Variants in ARHGEF28 observed in about 807,000 individuals in gnomAD.
ARHGEF28 encodes the protein Rho guanine nucleotide exchange factor 28.
A neutral mutation model predicts 206.6 loss-of-function variants in ARHGEF28; 152 were observed. The ratio of observed to expected loss-of-function variants is 0.74; its 90% CI spans 0.64 to 0.84. ARHGEF28 has a LOEUF of 0.84. ARHGEF28 is among the 40% of genes least tolerant of loss of function. The probability of loss-of-function intolerance (pLI) is 0.00; values close to 1 mark genes in which losing one functional copy is unlikely to be tolerated. For missense variants in ARHGEF28, 2,028 were observed against 2,073.2 expected (o/e 0.98, Z 0.42); for synonymous variants, 763 against 776.4 (o/e 0.98, Z 0.29).
At chr5:73,844,737 T>C (rs1758202517) in intron 11 of ARHGEF28, among the ~76,000 whole-genome samples, 1 of 144,754 alleles carries the variant, frequency 6.9e-6, no homozygotes, top group South Asian at 2.2e-4. Flanking sequence ...TGTTTTGTTA[T>C]TAAAATTATA....
At chr5:73,696,387 C>T (rs1345345388) in intron 2 of ARHGEF28, among the ~76,000 whole-genome samples, 3 of 152,142 alleles carry the variant, frequency 2.0e-5, no homozygotes, top group Admixed American at 6.5e-5. Flanking sequence ...TTTGTATGTG[C>T]GGTTGTCTTC....
chr5:73,886,896 C>T (rs1422255511), intron 25 of ARHGEF28, among the ~76,000 whole-genome samples: 1 of 152,234 alleles, frequency 6.6e-6, no homozygotes, highest in African/African-American at 2.4e-5. Context: ...ATCTTAATAA[C>T]ATCCATAGGT....
rs192782469 is a variant in ARHGEF28, at chr5:73,776,101, G to A, written c.660-415G>A. 8.9e-4 allele frequency among the ~76,000 whole-genome samples: 135 copies of A among 152,312 alleles called. 2 individuals are homozygous for A. Among genetic ancestry groups the A allele is most frequent in the African/African-American group, 3.1e-3 (127 of 41,562 alleles). ...TCCAAACCTCACCATGTTCCCTGGA[G>A]ATCATATCTGTTTTCCACAGTAATC... On this transcript the variant is annotated intron_variant, in intron 5 of 35. Coordinates refer to ENST00000513042, the MANE Select transcript of ARHGEF28 (RefSeq NM_001177693.2).
At chr5:73,851,667 C>G (rs1263596556) in intron 13 of ARHGEF28, among the ~76,000 whole-genome samples, 1 of 152,128 alleles carries the variant, frequency 6.6e-6, no homozygotes, top group Non-Finnish European at 1.5e-5. Flanking sequence ...GGATTTTGAA[C>G]AGTTGGTGGC....
At chr5:73,911,243 T>G in intron 34 of ARHGEF28, 32 bp from the exon 35 acceptor site, 1 of 1,515,910 alleles carries the variant, frequency 6.6e-7, no homozygotes, top group Non-Finnish European at 8.9e-7. Flanking sequence ...GTTAGAAAAA[T>G]TATTGTACTT....
intron 9 of ARHGEF28, among the ~76,000 whole-genome samples, chr5:73,818,760 G>C (rs1224572180): frequency 1.3e-5 from 2 of 152,086 alleles, no homozygotes; most frequent in Non-Finnish European, 1.5e-5. Context: ...CCAAATTTTT[G>C]AAAGTAAATT....
At chr5:73,652,176 C>T (rs996212507) in intron 1 of ARHGEF28, among the ~76,000 whole-genome samples, 7 of 152,110 alleles carry the variant, frequency 4.6e-5, no homozygotes, top group Non-Finnish European at 8.8e-5. Context: ...AATATGATCT[C>T]TTCCCTCACG....
chr5:73,893,099 A>G (rs1400141056), intron 27 of ARHGEF28, 98 bp from the exon 28 acceptor site: 3 of 1,016,422 alleles, frequency 3.0e-6, no homozygotes, highest in South Asian at 2.4e-5. Context: ...TTTCTCCTTT[A>G]TGAATAAATC....
At chr5:73,738,945 A>C (rs888917835) in intron 2 of ARHGEF28, among the ~76,000 whole-genome samples, 2 of 152,184 alleles carry the variant, frequency 1.3e-5, no homozygotes, top group African/African-American at 4.8e-5. Context: ...TAGTCTTTAC[A>C]GTGGTGCACA....
At chr5:73,900,957 G>T in intron 30 of ARHGEF28, 1 of 426,438 alleles carries the variant, frequency 2.3e-6, no homozygotes, top group Non-Finnish European at 4.4e-6. Flanking sequence ...GTGATACTTT[G>T]TGCGGTTCGT....
chr5:73,911,441 C>A lies in ARHGEF28; in HGVS notation c.4814C>A (p.Thr1605Asn). Residue 1605 changes from threonine (T) to asparagine (N), a missense_variant, in exon 35 of 36, where the codon ACT becomes AAT. Transcript: ENST00000513042. ...CAATCTCATTCTGACTTGGTGAGGA[C>A]TAGTGAACATCAAGTAGACCTCAAG... ...TTQSHSDLVR[T>N]SEHQVDLKVD... 1.2e-6 allele frequency: 2 copies of A among 1,613,994 alleles called. No homozygotes were observed. Among genetic ancestry groups the A allele is most frequent in the Non-Finnish European group, 1.7e-6 (2 of 1,179,886 alleles).
chr5:73,699,985 C>T (rs1215790015), intron 2 of ARHGEF28, among the ~76,000 whole-genome samples: 1 of 152,194 alleles, frequency 6.6e-6, no homozygotes, highest in Non-Finnish European at 1.5e-5. Flanking sequence ...ATTTTGATCA[C>T]TTCTAGCCAA....
At position 73,749,997 on chromosome 5, in the gene ARHGEF28, C is replaced by T. The variant is rs1580565049; in HGVS notation, c.181+13C>T. On this transcript the variant is annotated intron_variant, in intron 3 of 35. Coordinates refer to ENST00000513042, the MANE Select transcript of ARHGEF28 (RefSeq NM_001177693.2). The stretch of plus-strand genomic sequence containing the variant: ...TCCAGCGTCCCAGGTGAGGTGTCCT[C>T]TTTGTTGTGCAGCTGGGAAATTAGT... The T allele has an allele frequency of 1.9e-6, 3 of 1,611,940 alleles. No individual in the cohort carries two copies. The East Asian group carries it at 6.7e-5, about 36-fold the overall frequency.
At chr5:73,793,479 G>A (rs1211129127) in intron 7 of ARHGEF28, among the ~76,000 whole-genome samples, 1 of 152,226 alleles carries the variant, frequency 6.6e-6, no homozygotes, top group East Asian at 1.9e-4. Context: ...ACGGAATAGG[G>A]AAGGTCTAGG....
Position 73,699,970 on chromosome 5 carries a change from A to T in ARHGEF28, c.33+15086A>T, listed in dbSNP as rs1375445187. ...TTCAAAAGTCTATTCTCATCAGTAG[A>T]ATCTATTTTGATCACTTCTAGCCAA... On this transcript the variant is annotated intron_variant, in intron 2 of 35. Transcript: ENST00000513042. 2.6e-5 allele frequency among the ~76,000 whole-genome samples: 4 copies of T among 152,218 alleles called. No homozygotes were observed. The East Asian group carries it at 5.8e-4, about 22-fold the overall frequency.
At chr5:73,898,339 G>A (rs529483673) in intron 30 of ARHGEF28, 71 of 289,932 alleles carry the variant, frequency 2.4e-4, no homozygotes, top group Middle Eastern at 1.2e-3. Flanking sequence ...TCTGTTTGCC[G>A]GCCAAATATC....
chr5:73,808,158 AT>A (rs1755624006), intron 9 of ARHGEF28, among the ~76,000 whole-genome samples: 1 of 152,068 alleles, frequency 6.6e-6, no homozygotes. Context: ...TGTGATTCCA[AT>A]TTTTGACAAC....
intron 2 of ARHGEF28, among the ~76,000 whole-genome samples, chr5:73,717,481 T>A (rs2112322146): frequency 6.6e-6 from 1 of 152,300 alleles, no homozygotes; most frequent in South Asian, 2.1e-4. Context: ...TCCCTTTATA[T>A]AATATGAATA....
At chr5:73,812,782 C>T (rs1372452074) in intron 9 of ARHGEF28, among the ~76,000 whole-genome samples, 1 of 152,134 alleles carries the variant, frequency 6.6e-6, no homozygotes, top group Non-Finnish European at 1.5e-5. Flanking sequence ...TGATGATTGA[C>T]GGCCAGACTT....
Sources: gnomAD v4.1 joint callset for allele counts (sites outside exome capture counted in the v4.1 genomes callset) on GRCh38, gnomAD v4.1.1 for gene constraint, MANE v1.5 for transcripts, NCBI Gene and HGNC (gene_info 2026-07-23, HGNC 2026-07-21) for gene names.